SBNO2: variants seen among roughly 807,000 people sequenced by gnomAD.
SBNO2 encodes the protein protein strawberry notch homolog 2.
SBNO2 carries 89 observed loss-of-function variants against 146.3 expected under a neutral mutation model. The observed-to-expected ratio is 0.61, with a 90% confidence interval of 0.51 to 0.73. The LOEUF (loss-of-function observed/expected upper bound fraction) is 0.73. Ranked by LOEUF, SBNO2 falls within the 30% of genes least tolerant of loss-of-function variation. SBNO2 has a pLI of 0.00. For synonymous variants in SBNO2, 1,147 were observed against 892.6 expected, an observed-to-expected ratio of 1.29 and a Z score of -5.08; for missense variants, 2,092 against 2,003.7, an observed-to-expected ratio of 1.04 and a Z score of -0.84.
intron 24 of SBNO2, 92 bp downstream of exon 24, chr19:1,111,414 C>A (rs537020148): frequency 3.3e-6 from 3 of 895,642 alleles, no homozygotes; most frequent in African/African-American, 3.3e-5. Flanking sequence ...AACACACAAC[C>A]GGCCTACAAA....
intron 1 of SBNO2, among the ~76,000 whole-genome samples, chr19:1,156,766 C>G (rs907463856): frequency 1.6e-4 from 24 of 152,112 alleles, no homozygotes; most frequent in Admixed American, 5.2e-4. Context: ...TGTGATCCCA[C>G]TACTATGCAC....
At chr19:1,133,138 G>A (rs777829272) in intron 4 of SBNO2, among the ~76,000 whole-genome samples, 4 of 152,168 alleles carry the variant, frequency 2.6e-5, no homozygotes, top group Admixed American at 6.5e-5. Flanking sequence ...GCCAGAGGGG[G>A]TGGGAGGACG....
At position 1,147,343 on chromosome 19, in the gene SBNO2, G is replaced by A. The variant is rs2080200472; in HGVS notation, c.245C>T (p.Ser82Phe). ...GTCGCAGGTCTTTGGTGGCAAGCTG[G>A]AGGCGGTGGCCACGGGGGCATAGCT... ...DTSYAPVATA[S>F]SLPPKTCDFA... The change falls in exon 4 of 32, where the codon TCC becomes TTC. Residue 82 changes from serine to phenylalanine, a missense_variant. Transcript: ENST00000361757. 1 of 1,576,304 alleles carries A rather than the reference G, an allele frequency of 6.3e-7. No homozygotes were observed. Among genetic ancestry groups the A allele is most frequent in the Non-Finnish European group, 8.6e-7 (1 of 1,164,992 alleles).
At chr19:1,145,068 G>A (rs1258123621) in intron 4 of SBNO2, among the ~76,000 whole-genome samples, 1 of 151,504 alleles carries the variant, frequency 6.6e-6, no homozygotes, top group African/African-American at 2.4e-5. Flanking sequence ...GAGGCAGAGA[G>A]GGAGGCAGAG....
At chr19:1,128,968 C>CA (rs55815908) in intron 4 of SBNO2, among the ~76,000 whole-genome samples, 1,939 of 140,204 alleles carry the variant, frequency 0.014, 28 homozygotes, top group Non-Finnish European at 0.022. Context: ...GACTCTGTCT[C>CA]AAAAAAAAAA....
In SBNO2 at chr19:1,134,959, T is replaced by C. The variant is rs941859794; in HGVS notation, c.280-7194A>G. Among the ~76,000 whole-genome samples, 18 of 150,402 alleles carry C rather than the reference T, an allele frequency of 1.2e-4. 1 individual carries two copies. The East Asian group carries it at 3.5e-3, about 29-fold the overall frequency. On this transcript the variant is annotated intron_variant, in intron 4 of 31. Transcript: ENST00000361757. ...TACTCGGGAGGCTGAGGCAGGAGAA[T>C]TGCTTGAACCCGGGAGGCAGAGGTT...
chr19:1,112,806 G>A lies in SBNO2; in HGVS notation c.2379+12C>T. 6.4e-7 allele frequency: 1 copy of A among 1,562,174 alleles called. No individual in the cohort carries two copies. The highest frequency in any genetic ancestry group is 8.7e-7 in the Non-Finnish European group (1 of 1,155,312). On this transcript the variant is annotated intron_variant, in intron 20 of 31. Coordinates refer to ENST00000361757, the MANE Select transcript of SBNO2 (RefSeq NM_014963.3). The surrounding 1 kb of genome is among the most constrained non-coding windows in gnomAD (Gnocchi z 5.9). ...TCCCGTGGGCCGCGCCCAGTGCACT[G>A]CAGCCCCGCACCTTCTCGCCGCTCA...
chr19:1,118,327 G>T (rs914259125), intron 14 of SBNO2, among the ~76,000 whole-genome samples: 40 of 151,746 alleles, frequency 2.6e-4, no homozygotes, highest in African/African-American at 9.7e-4. Flanking sequence ...AACAAGAGTG[G>T]AAACCCCGTC....
chr19:1,113,551 G>T lies in SBNO2; in HGVS notation c.2231C>A (p.Pro744His), dbSNP rs1012822729. Residue 744 changes from proline (P) to histidine (H), a missense_variant, in exon 19 of 32, where the codon CCC (proline) becomes CAC (histidine). Coordinates refer to ENST00000361757, the MANE Select transcript of SBNO2 (RefSeq NM_014963.3). ...LDELIDQLGGPQRVAEMTGRK... is the reference protein window; with the variant it reads ...LDELIDQLGGHQRVAEMTGRK... The stretch of plus-strand genomic sequence containing the variant: ...CCCACCCACCTCCGCCACCCGCTGG[G>T]GGCCGCCCAGCTGGTCGATGAGCTC... 4.4e-6 allele frequency: 7 copies of T among 1,597,864 alleles called. No individual in the cohort carries two copies. Among genetic ancestry groups the T allele is most frequent in the Non-Finnish European group, 5.1e-6 (6 of 1,173,752 alleles).
chr19:1,144,838 A>G lies in SBNO2; in HGVS notation c.279+2471T>C, dbSNP rs1439214707. On this transcript the variant is annotated intron_variant, in intron 4 of 31. Coordinates refer to ENST00000361757, the MANE Select transcript of SBNO2 (RefSeq NM_014963.3). The surrounding 1 kb of genome is among the most constrained non-coding windows in gnomAD (Gnocchi z 4.1). ...GAGACAGAGAGGGAGACAGAGAGACAGGGGCAGAGACAAGCAGAGAGGGAG... is the reference window on the plus strand; with the variant it reads ...GAGACAGAGAGGGAGACAGAGAGACGGGGGCAGAGACAAGCAGAGAGGGAG... Among the ~76,000 whole-genome samples the G allele has an allele frequency of 1.3e-5, 2 of 149,630 alleles. No homozygotes were observed. Among genetic ancestry groups the G allele is most frequent in the African/African-American group, 2.5e-5 (1 of 39,762 alleles).
intron 14 of SBNO2, 133 bp from the exon 15 acceptor site, chr19:1,117,632 G>A: frequency 2.2e-6 from 2 of 912,500 alleles, no homozygotes; most frequent in Non-Finnish European, 3.2e-6. Context: ...TGGGGGTGCT[G>A]GGGGTGTGCA....
chr19:1,132,676 TC>T (rs1260732705), intron 4 of SBNO2, among the ~76,000 whole-genome samples: 1 of 152,134 alleles, frequency 6.6e-6, no homozygotes, highest in African/African-American at 2.4e-5. Flanking sequence ...CCTGGGGCTC[TC>T]CCCACCCCAC....
Position 1,158,394 on chromosome 19 carries a change from C to A in SBNO2, c.-126-3992G>T, listed in dbSNP as rs1348556925. 6.6e-6 allele frequency among the ~76,000 whole-genome samples: 1 copy of A among 152,158 alleles called. No individual in the cohort carries two copies. Among genetic ancestry groups the A allele is most frequent in the African/African-American group, 2.4e-5 (1 of 41,428 alleles). ...CTAGGTGGAGCCTTGACGTGACCCC[C>A]AGAGCCAGACTCAGCAGCTCAGGCC... On this transcript the variant is annotated intron_variant, in intron 1 of 31. Transcript: ENST00000361757. This position sits in a 1 kb window ranked among gnomAD's most constrained non-coding sequence, Gnocchi z 9.9.
Position 1,142,346 on chromosome 19 carries a change from C to T in SBNO2, c.279+4963G>A, listed in dbSNP as rs879440990. ...CTCTCCAGCAGAACCAACAGTGCTGCGGAGTCCACTGGCCCCAGGCACTGC... is the reference window on the plus strand; with the variant it reads ...CTCTCCAGCAGAACCAACAGTGCTGTGGAGTCCACTGGCCCCAGGCACTGC... On this transcript the variant is annotated intron_variant, in intron 4 of 31. Transcript: ENST00000361757. 1.8e-4 allele frequency among the ~76,000 whole-genome samples: 27 copies of T among 148,722 alleles called. 1 individual carries two copies. Among genetic ancestry groups the T allele is most frequent in the Admixed American group, 1.1e-3 (16 of 14,702 alleles).
Position 1,108,590 on chromosome 19 carries a change from G to A in SBNO2, c.3731C>T (p.Pro1244Leu), listed in dbSNP as rs1459049555. Residue 1244 changes from proline (P) to leucine (L), a missense_variant, in exon 32 of 32, where the codon CCG (proline) becomes CTG (leucine). Transcript: ENST00000361757. ...GCCGCAAGGCAGCGCCAGCGGGCGC[G>A]GGGCGGGCGGGGCGGGGCAGCCCAG... ...PALGCPAPPA[P>L]RPLALPCGPG... is the part of the protein sequence containing the mutation. 44 of 1,291,032 alleles carry A rather than the reference G, an allele frequency of 3.4e-5. 1 individual carries two copies. Among genetic ancestry groups the A allele is most frequent in the Admixed American group, 1.3e-4 (3 of 22,612 alleles). 80.0% of individuals were successfully genotyped at this position (1,291,032 alleles called of 1,614,324 possible). A position where few individuals can be genotyped will look rare whatever the true frequency, so the allele number is the denominator to read the frequency against.
intron 5 of SBNO2, among the ~76,000 whole-genome samples, chr19:1,124,802 G>A (rs1402421488): frequency 6.6e-6 from 1 of 152,192 alleles, no homozygotes. Flanking sequence ...GCAGACAGGT[G>A]TGCTGGGCCT....
intron 4 of SBNO2, among the ~76,000 whole-genome samples, chr19:1,131,856 G>GCCGCTCCCAGC (rs1381444269): frequency 6.6e-6 from 1 of 152,228 alleles, no homozygotes; most frequent in Admixed American, 6.5e-5. Context: ...CGCACAGGGC[G>GCCGCTCCCAGC]CCGCTCCCAG....
Position 1,140,573 on chromosome 19 carries a change from G to A in SBNO2, c.279+6736C>T, listed in dbSNP as rs1051565074. Among the ~76,000 whole-genome samples the A allele has an allele frequency of 6.6e-5, 10 of 152,044 alleles. No individual in the cohort carries two copies. The highest frequency in any genetic ancestry group is 1.9e-4 in the East Asian group (1 of 5,178). On this transcript the variant is annotated intron_variant, in intron 4 of 31. Transcript: ENST00000361757. The surrounding 1 kb of genome is among the most constrained non-coding windows in gnomAD (Gnocchi z 4.4). ...GCAGCCCACGGTGGATGCCAGCAGC[G>A]GCATCCTGGCGCAGCGTGAGCCCCA... is the stretch of plus-strand genomic sequence containing the variant.
chr19:1,129,421 G>A (rs1160899377), intron 4 of SBNO2, among the ~76,000 whole-genome samples: 1 of 152,106 alleles, frequency 6.6e-6, no homozygotes, highest in African/African-American at 2.4e-5. Flanking sequence ...GGGACCTTCA[G>A]GAACCTGCCC....
Sources: gnomAD v4.1 joint callset for allele counts (sites outside exome capture counted in the v4.1 genomes callset) on GRCh38, gnomAD v4.1.1 for gene constraint, Gnocchi (gnomAD v3.1) non-coding constraint, MANE v1.5 for transcripts, NCBI Gene and HGNC (gene_info 2026-07-23, HGNC 2026-07-21) for gene names.